Variants in RNF217 observed in about 807,000 individuals in gnomAD.
RNF217 encodes the protein ring finger protein 217.
RNF217 carries 31 observed loss-of-function variants against 57.8 expected under a neutral mutation model. The ratio of observed to expected loss-of-function variants is 0.54; its 90% CI spans 0.40 to 0.72. The LOEUF is 0.72. RNF217 is among the 30% of genes least tolerant of loss of function. RNF217 has a pLI of 0.00. For synonymous variants in RNF217, 313 were observed against 294.0 expected, an observed-to-expected ratio of 1.06 and a Z score of -0.66; for missense variants, 696 against 708.3, an observed-to-expected ratio of 0.98 and a Z score of 0.20.
intron 1 of RNF217, among the ~76,000 whole-genome samples, chr6:124,976,919 G>A (rs932743965): frequency 6.6e-6 from 1 of 152,128 alleles, no homozygotes; most frequent in Non-Finnish European, 1.5e-5. Flanking sequence ...CGAGATGAAG[G>A]GAAAGCTTAG....
At chr6:124,978,131 A>G (rs1481441578) in intron 1 of RNF217, among the ~76,000 whole-genome samples, 2 of 152,176 alleles carry the variant, frequency 1.3e-5, no homozygotes, top group Non-Finnish European at 2.9e-5. Context: ...CCAGCTTCTT[A>G]GAAACTTTAG....
intron 3 of RNF217, among the ~76,000 whole-genome samples, chr6:125,065,836 G>T (rs1346201367): frequency 6.6e-6 from 1 of 152,134 alleles, no homozygotes; most frequent in African/African-American, 2.4e-5. Flanking sequence ...CAGTCGGTAG[G>T]CAAATCGTAA....
chr6:125,046,030 A>G (rs1787084944), intron 2 of RNF217, among the ~76,000 whole-genome samples: 1 of 152,058 alleles, frequency 6.6e-6, no homozygotes, highest in Non-Finnish European at 1.5e-5. Context: ...GTGTACATAT[A>G]GTGTGCTTTG....
chr6:125,054,293 C>A (rs1787439903), intron 2 of RNF217, among the ~76,000 whole-genome samples: 1 of 152,172 alleles, frequency 6.6e-6, no homozygotes, highest in Non-Finnish European at 1.5e-5. Context: ...CAGAAATGTA[C>A]TGTTTCTTGG....
chr6:125,062,602 G>T (rs1387332338), intron 3 of RNF217, among the ~76,000 whole-genome samples: 1 of 151,900 alleles, frequency 6.6e-6, no homozygotes, highest in African/African-American at 2.4e-5. Flanking sequence ...TTGAGATGGA[G>T]TCTCACTCTT....
At chr6:125,042,557 T>C (rs546426169) in intron 1 of RNF217, among the ~76,000 whole-genome samples, 1 of 152,196 alleles carries the variant, frequency 6.6e-6, no homozygotes, top group East Asian at 1.9e-4. Context: ...GCAGAGAGTA[T>C]GAAAGCAAGA....
At chr6:125,056,997 C>T (rs1269524813) in intron 2 of RNF217, among the ~76,000 whole-genome samples, 1 of 152,172 alleles carries the variant, frequency 6.6e-6, no homozygotes, top group African/African-American at 2.4e-5. Context: ...CCGTTTCTGA[C>T]GGTTTTCTAA....
chr6:125,055,653 A>G (rs1023996986), intron 2 of RNF217, among the ~76,000 whole-genome samples: 1 of 152,224 alleles, frequency 6.6e-6, no homozygotes, highest in Non-Finnish European at 1.5e-5. Flanking sequence ...GCTAGAATCT[A>G]GTGATTCAGA....
At chr6:125,014,307 A>G (rs139513719) in intron 1 of RNF217, among the ~76,000 whole-genome samples, 2 of 152,322 alleles carry the variant, frequency 1.3e-5, no homozygotes, top group East Asian at 3.9e-4. Context: ...GTACTGCTCT[A>G]AATTCCAGGC....
In RNF217 at chr6:125,072,620, T is replaced by G. The variant is rs369514653; in HGVS notation, c.1282-4037T>G. Among the ~76,000 whole-genome samples, 8 of 152,168 alleles carry G rather than the reference T, an allele frequency of 5.3e-5. No homozygotes were observed. In the South Asian group the frequency reaches 6.2e-4, roughly 12 times the overall value. ...ATTACAAACAGATATAAAATTACAGTGAAAATTATATGTGAAATATGAGGC... is the reference window on the plus strand; with the variant it reads ...ATTACAAACAGATATAAAATTACAGGGAAAATTATATGTGAAATATGAGGC... On this transcript the variant is annotated intron_variant, in intron 3 of 5. Transcript: ENST00000521654.
chr6:125,059,098 G>T (rs1787631569), intron 3 of RNF217, among the ~76,000 whole-genome samples: 1 of 152,110 alleles, frequency 6.6e-6, no homozygotes, highest in Admixed American at 6.6e-5. Context: ...TAAATGTACA[G>T]ATTTACTATA....
chr6:125,072,576 T>G lies in RNF217; in HGVS notation c.1282-4081T>G, dbSNP rs533498951. ...TAATAAATAGGCCACATAAAGATTT[T>G]AGAACCCAATGAAGCAATATTACAA... On this transcript the variant is annotated intron_variant, in intron 3 of 5. Coordinates refer to ENST00000521654, the MANE Select transcript of RNF217 (RefSeq NM_001286398.3). 2.0e-5 allele frequency among the ~76,000 whole-genome samples: 3 copies of G among 152,290 alleles called. No individual in the cohort carries two copies. The South Asian group carries it at 6.2e-4, about 32-fold the overall frequency.
At chr6:125,068,119 A>C (rs1296834848) in intron 3 of RNF217, among the ~76,000 whole-genome samples, 1 of 152,130 alleles carries the variant, frequency 6.6e-6, no homozygotes, top group Non-Finnish European at 1.5e-5. Context: ...GGTACTGTGC[A>C]CAGCTCTTTA....
chr6:124,992,396 A>G (rs1784592504), intron 1 of RNF217, among the ~76,000 whole-genome samples: 1 of 152,170 alleles, frequency 6.6e-6, no homozygotes, highest in South Asian at 2.1e-4. Context: ...AGCAGGAGAA[A>G]ATAAGAAACT....
At chr6:125,001,456 A>T (rs58944874) in intron 1 of RNF217, among the ~76,000 whole-genome samples, 11,913 of 152,242 alleles carry the variant, frequency 0.078, 1,610 homozygotes, top group African/African-American at 0.27. Context: ...TGTTACCACC[A>T]GTCTTATAAC....
intron 1 of RNF217, among the ~76,000 whole-genome samples, chr6:124,990,013 C>T (rs1784501752): frequency 6.6e-6 from 1 of 152,254 alleles, no homozygotes; most frequent in East Asian, 1.9e-4. Flanking sequence ...TCCTTTCTTT[C>T]CATTTTCTCT....
chr6:125,018,920 G>A lies in RNF217; in HGVS notation c.883-26291G>A, dbSNP rs182701370. Among the ~76,000 whole-genome samples the A allele has an allele frequency of 1.5e-3, 223 of 152,128 alleles. 1 individual carries two copies. Among genetic ancestry groups the A allele is most frequent in the African/African-American group, 4.7e-3 (196 of 41,498 alleles). On this transcript the variant is annotated intron_variant, in intron 1 of 5. Transcript: ENST00000521654. The stretch of plus-strand genomic sequence containing the variant: ...CATATAAAGGGTGGTAAGTCTCCCC[G>A]GACTCCATTTGGCCACATGTTCCAG...
rs151277546 is a variant in RNF217, at chr6:125,056,444, T to C, written c.1117-1498T>C. On this transcript the variant is annotated intron_variant, in intron 2 of 5. Transcript: ENST00000521654. ...AAACGTGAAAATCTTTTAAGCCTTATGACAGAATACCATTTTTATATAAAG... is the reference window on the plus strand; with the variant it reads ...AAACGTGAAAATCTTTTAAGCCTTACGACAGAATACCATTTTTATATAAAG... 3.9e-5 allele frequency among the ~76,000 whole-genome samples: 6 copies of C among 152,326 alleles called. No individual in the cohort carries two copies. In the East Asian group the frequency reaches 1.2e-3, roughly 29 times the overall value.
At chr6:124,987,480 C>G (rs1264908901) in intron 1 of RNF217, among the ~76,000 whole-genome samples, 1 of 152,024 alleles carries the variant, frequency 6.6e-6, no homozygotes, top group African/African-American at 2.4e-5. Flanking sequence ...CAGAATCATG[C>G]AATATGTGGT....
Sources: gnomAD v4.1 joint callset for allele counts (sites outside exome capture counted in the v4.1 genomes callset) on GRCh38, gnomAD v4.1.1 for gene constraint, MANE v1.5 for transcripts, NCBI Gene and HGNC (gene_info 2026-07-23, HGNC 2026-07-21) for gene names.